POLK: variants seen among roughly 807,000 people sequenced by gnomAD.
POLK encodes the protein DNA polymerase kappa.
In POLK, 76 loss-of-function variants were observed where a neutral mutation model predicts 94.0. The ratio of observed to expected loss-of-function variants is 0.81; its 90% CI spans 0.67 to 0.98. The LOEUF (loss-of-function observed/expected upper bound fraction) is 0.98. POLK is among the 50% of genes least tolerant of loss of function. POLK has a pLI of 0.00. For missense variants in POLK, 954 were observed against 1,010.1 expected, an observed-to-expected ratio of 0.94 and a Z score of 0.75; for synonymous variants, 349 against 325.4, an observed-to-expected ratio of 1.07 and a Z score of -0.78.
chr5:75,561,842 C>G (rs1255312044), intron 3 of POLK, among the ~76,000 whole-genome samples: 2 of 151,976 alleles, frequency 1.3e-5, no homozygotes, highest in Admixed American at 1.3e-4. Flanking sequence ...TTTCTGAGGC[C>G]TCTGTTCTAT....
chr5:75,558,902 T>G (rs1012379733), intron 3 of POLK, among the ~76,000 whole-genome samples: 13 of 152,222 alleles, frequency 8.5e-5, no homozygotes, highest in African/African-American at 3.1e-4. Context: ...TTTTTAAAGC[T>G]CATATCCTTA....
downstream of POLK, among the ~76,000 whole-genome samples, chr5:75,601,697 C>T (rs1056040392): frequency 6.6e-6 from 1 of 152,142 alleles, no homozygotes; most frequent in African/African-American, 2.4e-5. Flanking sequence ...GGACTTCCAC[C>T]AGTGATTTGC....
chr5:75,602,613 T>C (rs1773318945), downstream of POLK, among the ~76,000 whole-genome samples: 1 of 152,196 alleles, frequency 6.6e-6, no homozygotes, highest in Non-Finnish European at 1.5e-5. Flanking sequence ...CTCACTTGAA[T>C]AATGCAGAGA....
intron 2 of POLK, among the ~76,000 whole-genome samples, chr5:75,549,157 A>G (rs1025753588): frequency 5.3e-5 from 8 of 152,112 alleles, no homozygotes; most frequent in African/African-American, 1.7e-4. Context: ...TGATATTTTC[A>G]TCATAAAAAT....
intron 3 of POLK, among the ~76,000 whole-genome samples, chr5:75,559,505 G>GTTTTTTTTTTTTTTTTTTTTTTT (rs1561371144): frequency 2.9e-5 from 2 of 70,076 alleles, no homozygotes; most frequent in Admixed American, 1.4e-4. Flanking sequence ...TTTGGGGTTT[G>GTTTTTTTTTTTTTTTTTTTTTTT]TTTTTTTGTT....
intron 5 of POLK, among the ~76,000 whole-genome samples, chr5:75,574,352 C>T (rs1420702114): frequency 6.6e-6 from 1 of 152,006 alleles, no homozygotes; most frequent in East Asian, 1.9e-4. Context: ...GTCTAAGAGA[C>T]TGATAATTGA....
At chr5:75,574,795 A>G (rs1771782547) in intron 5 of POLK, among the ~76,000 whole-genome samples, 1 of 152,176 alleles carries the variant, frequency 6.6e-6, no homozygotes, top group Admixed American at 6.5e-5. Flanking sequence ...AAGGTGGTGG[A>G]GGAGAGGGGA....
At chr5:75,581,934 C>T (rs1028604946) in intron 7 of POLK, 25 of 546,974 alleles carry the variant, frequency 4.6e-5, no homozygotes, top group Non-Finnish European at 5.8e-5. Flanking sequence ...CCACCTTGGC[C>T]TCCCAAAGTG....
At chr5:75,581,937 C>T (rs1772215965) in intron 7 of POLK, 1 of 655,098 alleles carries the variant, frequency 1.5e-6, no homozygotes. Flanking sequence ...CCTTGGCCTC[C>T]CAAAGTGCTG....
At chr5:75,597,499 C>T in intron 13 of POLK, 1 of 407,078 alleles carries the variant, frequency 2.5e-6, no homozygotes, top group Admixed American at 4.0e-5. Flanking sequence ...AACTGCATAA[C>T]TAGAAAGCCT....
intron 2 of POLK, among the ~76,000 whole-genome samples, chr5:75,549,196 T>C (rs781301789): frequency 1.3e-5 from 2 of 152,162 alleles, no homozygotes; most frequent in Non-Finnish European, 2.9e-5. Flanking sequence ...AAATAAAACC[T>C]ATGAATCTAG....
At chr5:75,549,161 TAAAAATGTTC>T (rs1053570823) in intron 2 of POLK, among the ~76,000 whole-genome samples, 1 of 152,122 alleles carries the variant, frequency 6.6e-6, no homozygotes, top group African/African-American at 2.4e-5. Context: ...ATTTTCATCA[TAAAAATGTTC>T]AAAAAGAATA....
At chr5:75,551,002 A>C (rs886449166) in intron 2 of POLK, among the ~76,000 whole-genome samples, 2 of 152,114 alleles carry the variant, frequency 1.3e-5, no homozygotes, top group African/African-American at 4.8e-5. Flanking sequence ...TAGGAGGATC[A>C]CTTGAGCCCA....
chr5:75,536,916 C>G (rs1455936238), intron 1 of POLK, among the ~76,000 whole-genome samples: 1 of 152,078 alleles, frequency 6.6e-6, no homozygotes, highest in Non-Finnish European at 1.5e-5. Context: ...GCTGTCCCAG[C>G]ATTTCTTGGG....
chr5:75,599,595 T>C (rs1348976794), exon 15 of POLK: 2 of 152,162 alleles, frequency 1.3e-5, no homozygotes, highest in East Asian at 1.9e-4. Context: ...GATTTACTTA[T>C]GTAAATTATG....
intron 1 of POLK, among the ~76,000 whole-genome samples, chr5:75,542,432 G>T (rs1341639499): frequency 1.3e-5 from 2 of 151,766 alleles, no homozygotes; most frequent in Non-Finnish European, 2.9e-5. Flanking sequence ...TTTGATCACA[G>T]TGTGGTTTTT....
intron 12 of POLK, 90 bp from the exon 13 acceptor site, chr5:75,596,132 T>C: frequency 4.2e-6 from 3 of 716,950 alleles, no homozygotes; most frequent in South Asian, 1.9e-5. Flanking sequence ...ACCTTTTGTA[T>C]ATGTCATAGC....
At chr5:75,569,771 T>G (rs1472979918) in intron 4 of POLK, among the ~76,000 whole-genome samples, 1 of 152,194 alleles carries the variant, frequency 6.6e-6, no homozygotes, top group Non-Finnish European at 1.5e-5. Context: ...CGTCTGTATT[T>G]ACAACCACTT....
rs188969066 is a variant in POLK at position 75,589,779 on chromosome 5, T to C, written c.1260-565T>C. On this transcript the variant is annotated intron_variant, in intron 10 of 14. Transcript: ENST00000241436. ...TCTGGTCTCTTTGTATTATCCTCTT[T>C]TAAGTTAATATCACTTGTCAACTTC... 3.9e-5 allele frequency among the ~76,000 whole-genome samples: 6 copies of C among 152,316 alleles called. No homozygotes were observed. In the East Asian group the frequency reaches 9.6e-4, roughly 24 times the overall value.
Sources: allele counts gnomAD v4.1 joint callset (sites outside exome capture counted in the v4.1 genomes callset), GRCh38; gene constraint gnomAD v4.1.1; transcripts MANE v1.5; gene names NCBI Gene and HGNC (gene_info 2026-07-23, HGNC 2026-07-21).